The following METTL2B variants were observed in gnomAD, a reference collection of about 807,000 sequenced individuals.
The protein encoded by METTL2B is methyltransferase 2B, tRNA N3-cytidine.
Under a neutral mutation model 51.0 loss-of-function variants are expected in METTL2B, and 28 were observed. The ratio of observed to expected loss-of-function variants is 0.55; its 90% CI spans 0.41 to 0.75. METTL2B has a LOEUF of 0.75. METTL2B is among the 30% of genes least tolerant of loss of function. METTL2B has a pLI of 0.00. For synonymous variants in METTL2B, 128 were observed against 166.3 expected, an observed-to-expected ratio of 0.77 and a Z score of 1.77; for missense variants, 313 against 460.7, an observed-to-expected ratio of 0.68 and a Z score of 2.93.
chr7:128,487,740 C>T (rs1164555880), intron 4 of METTL2B, among the ~76,000 whole-genome samples: 1 of 152,082 alleles, frequency 6.6e-6, no homozygotes, highest in Non-Finnish European at 1.5e-5. Context: ...CAGATGTGTT[C>T]CTGGTGTGGA....
intron 8 of METTL2B, 42 bp from the exon 9 acceptor site, chr7:128,501,720 T>C (rs1164204274): frequency 1.2e-6 from 2 of 1,607,544 alleles, no homozygotes; most frequent in African/African-American, 1.3e-5. Context: ...ATGCCTTTTC[T>C]TGAGGGGAAA....
Position 128,484,239 on chromosome 7 carries a change from T to TTTTGTTTTTTG in METTL2B, c.608+3546_608+3547insGTTTTTTGTTT. On this transcript the variant is annotated intron_variant, in intron 4 of 8. Transcript: ENST00000262432. ...ATCCTTTTTTTTTTTTTTTTTTTTT[T>TTTTGTTTTTTG]TTTTTTGAGACAGGATTTCTGTCAC... 3 of 131,966 alleles carry TTTTGTTTTTTG rather than the reference T, an allele frequency of 2.3e-5. No homozygotes were observed. The East Asian group carries it at 6.4e-4, about 28-fold the overall frequency. The allele number at this position is 131,966 out of a possible 1,614,324, so 8.2% of individuals were successfully genotyped here. A position where few individuals can be genotyped will look rare whatever the true frequency, so the allele number is the denominator to read the frequency against.
intron 4 of METTL2B, among the ~76,000 whole-genome samples, chr7:128,482,278 C>T (rs1415622173): frequency 2.6e-5 from 4 of 152,130 alleles, no homozygotes; most frequent in Non-Finnish European, 5.9e-5. Context: ...CTCAGCCTCC[C>T]TAGTAGCTGG....
At chr7:128,476,910 G>A (rs199984837) in intron 1 of METTL2B, 35 bp downstream of exon 1, 1 of 1,607,596 alleles carries the variant, frequency 6.2e-7, no homozygotes, top group South Asian at 1.1e-5. Flanking sequence ...GCCTGTCGCT[G>A]GCCGTCTGTC....
chr7:128,483,440 C>G (rs1584790103), intron 4 of METTL2B: 1 of 152,482 alleles, frequency 6.6e-6, no homozygotes, highest in Non-Finnish European at 1.5e-5. Context: ...GACTCCGTAC[C>G]TTTCCAAAAT....
At chr7:128,496,610 T>C (rs1228428725) in intron 6 of METTL2B, among the ~76,000 whole-genome samples, 1 of 152,102 alleles carries the variant, frequency 6.6e-6, no homozygotes, top group Non-Finnish European at 1.5e-5. Flanking sequence ...TGACATGGAC[T>C]AAAACAAATT....
At chr7:128,490,768 T>C (rs539928731) in intron 5 of METTL2B, among the ~76,000 whole-genome samples, 160 of 152,330 alleles carry the variant, frequency 1.1e-3, no homozygotes, top group African/African-American at 3.6e-3. Flanking sequence ...TAACACAACC[T>C]AGCTGATAAA....
rs201840388 is a variant in METTL2B, at chr7:128,477,092, G to C, written c.121G>C (p.Glu41Gln). 5 of 1,614,164 alleles carry C rather than the reference G, an allele frequency of 3.1e-6. No homozygotes were observed. The East Asian group carries it at 8.9e-5, about 29-fold the overall frequency. ...GTTTGATTTTCTCAGGGACAATGTG[G>C]AGTGGTCGGAAGAGCAAGCCGCGGC... Reference protein sequence around the residue: ...VFHHNAWDNVEWSEEQAAAAE... With the variant: ...VFHHNAWDNVQWSEEQAAAAE... Residue 41 changes from glutamate to glutamine, a missense_variant, in exon 2 of 9, where the codon GAG (glutamate) becomes CAG (glutamine). Coordinates refer to ENST00000262432, the MANE Select transcript of METTL2B (RefSeq NM_018396.3).
intron 6 of METTL2B, among the ~76,000 whole-genome samples, chr7:128,494,663 T>C (rs1206517237): frequency 6.6e-6 from 1 of 152,182 alleles, no homozygotes; most frequent in Non-Finnish European, 1.5e-5. Context: ...AGTCTCGCCC[T>C]GTTGCCCGGG....
At chr7:128,491,795 A>AT (rs1792838799) in intron 5 of METTL2B, among the ~76,000 whole-genome samples, 1 of 149,642 alleles carries the variant, frequency 6.7e-6, no homozygotes. Context: ...TGTCACAATT[A>AT]TGTATAATGC....
Position 128,478,127 on chromosome 7 carries a change from A to C in METTL2B, c.202+954A>C, listed in dbSNP as rs192632315. 22 of 303,684 alleles carry C rather than the reference A, an allele frequency of 7.2e-5. No homozygotes were observed. In the East Asian group the frequency reaches 1.7e-3, roughly 23 times the overall value. 18.8% of individuals were successfully genotyped at this position (303,684 alleles called of 1,614,324 possible). A position where few individuals can be genotyped will look rare whatever the true frequency, so the allele number is the denominator to read the frequency against. On this transcript the variant is annotated intron_variant, in intron 2 of 8. Transcript: ENST00000262432. ...AACTTCCATTGTCACCGTCCTGCTC[A>C]ATTTGTTAGGTTTTTATTCTTTCTA...
At chr7:128,481,907 G>A (rs1166030937) in intron 4 of METTL2B, among the ~76,000 whole-genome samples, 1 of 152,102 alleles carries the variant, frequency 6.6e-6, no homozygotes, top group Non-Finnish European at 1.5e-5. Context: ...GCCTCCCAAA[G>A]TGCTGGAATT....
At chr7:128,496,605 T>C (rs901052394) in intron 6 of METTL2B, among the ~76,000 whole-genome samples, 4 of 152,070 alleles carry the variant, frequency 2.6e-5, no homozygotes, top group Admixed American at 6.6e-5. Context: ...AAAATTGACA[T>C]GGACTAAAAC....
chr7:128,484,655 C>T (rs774789269), intron 4 of METTL2B, among the ~76,000 whole-genome samples: 18 of 152,024 alleles, frequency 1.2e-4, no homozygotes, highest in Non-Finnish European at 1.9e-4. Flanking sequence ...TGCAGTGGCA[C>T]GATCTTGGCT....
rs1476962210 is a variant in METTL2B at position 128,485,991 on chromosome 7, G to A, written c.609-2110G>A. Among the ~76,000 whole-genome samples, 3 of 152,194 alleles carry A rather than the reference G, an allele frequency of 2.0e-5. No individual in the cohort carries two copies. In the East Asian group the frequency reaches 5.8e-4, roughly 29 times the overall value. On this transcript the variant is annotated intron_variant, in intron 4 of 8. Transcript: ENST00000262432. ...CCAAGGGACAACTATATGACCTGTA[G>A]AAAACTTAAAGAAAAGCACAGGCCG...
intron 6 of METTL2B, among the ~76,000 whole-genome samples, chr7:128,496,756 T>TTTTGTTTG (rs1401498677): frequency 2.0e-5 from 2 of 100,402 alleles, no homozygotes; most frequent in African/African-American, 7.7e-5. Context: ...CCCAGCTGCT[T>TTTTGTTTG]TTTCTTTGTT....
At chr7:128,498,723 G>A (rs906664483) in intron 7 of METTL2B, among the ~76,000 whole-genome samples, 2 of 152,150 alleles carry the variant, frequency 1.3e-5, no homozygotes, top group African/African-American at 4.8e-5. Flanking sequence ...AGACAGCCGG[G>A]CGCAGTGGCT....
At chr7:128,480,058 G>A (rs1017360820) in intron 3 of METTL2B, among the ~76,000 whole-genome samples, 3 of 152,166 alleles carry the variant, frequency 2.0e-5, no homozygotes, top group Admixed American at 6.5e-5. Context: ...AGCTGGTTCT[G>A]GAACTGGTTA....
intron 4 of METTL2B, among the ~76,000 whole-genome samples, chr7:128,487,641 A>G (rs530279684): frequency 3.3e-5 from 5 of 152,308 alleles, no homozygotes; most frequent in African/African-American, 1.2e-4. Flanking sequence ...GTGGGCTCTC[A>G]GTAGTGTTTG....
Sources: gnomAD v4.1 joint callset for allele counts (sites outside exome capture counted in the v4.1 genomes callset) on GRCh38, gnomAD v4.1.1 for gene constraint, MANE v1.5 for transcripts, NCBI Gene and HGNC (gene_info 2026-07-23, HGNC 2026-07-21) for gene names.